Variants in ST18 observed in about 807,000 individuals in gnomAD.
The protein encoded by ST18 is ST18 C2H2C-type zinc finger transcription factor.
A neutral mutation model predicts 110.0 loss-of-function variants in ST18; 50 were observed. The ratio of observed to expected loss-of-function variants is 0.45; its 90% CI spans 0.36 to 0.58. The LOEUF (loss-of-function observed/expected upper bound fraction) is 0.58, where lower values mean the gene tolerates loss of function less well. Ranked by LOEUF, ST18 falls within the 20% of genes least tolerant of loss-of-function variation. The pLI is 0.00. For missense variants in ST18, 1,306 were observed against 1,280.1 expected (o/e 1.02, Z -0.31); for synonymous variants, 461 against 452.4 (o/e 1.02, Z -0.24).
intron 2 of ST18, among the ~76,000 whole-genome samples, chr8:52,356,728 C>T (rs1037409585): frequency 1.3e-5 from 2 of 151,456 alleles, no homozygotes; most frequent in African/African-American, 4.9e-5. Flanking sequence ...AGAATAAGAA[C>T]TAAAGAAAAC....
chr8:52,399,500 T>TA (rs1842215528), intron 2 of ST18, among the ~76,000 whole-genome samples: 1 of 151,956 alleles, frequency 6.6e-6, no homozygotes, highest in South Asian at 2.1e-4. Context: ...CTTTTTTTTT[T>TA]AGCTCCTTGA....
chr8:52,196,323 C>G (rs1277444229), intron 8 of ST18, among the ~76,000 whole-genome samples: 1 of 152,168 alleles, frequency 6.6e-6, no homozygotes, highest in Non-Finnish European at 1.5e-5. Flanking sequence ...GAAAAAGAAA[C>G]CTTAAATACA....
chr8:52,230,771 C>T (rs2091074499), intron 2 of ST18, among the ~76,000 whole-genome samples: 1 of 151,926 alleles, frequency 6.6e-6, no homozygotes, highest in African/African-American at 2.4e-5. Context: ...TCCCTGGGTT[C>T]ACCACTAGTA....
intron 2 of ST18, among the ~76,000 whole-genome samples, chr8:52,392,056 C>T (rs2140987291): frequency 6.6e-6 from 1 of 152,302 alleles, no homozygotes; most frequent in South Asian, 2.1e-4. Flanking sequence ...GCTACTTAGC[C>T]TCTCTGAGCC....
intron 8 of ST18, among the ~76,000 whole-genome samples, chr8:52,209,013 T>C (rs897434972): frequency 3.9e-5 from 6 of 152,194 alleles, no homozygotes; most frequent in Admixed American, 3.9e-4. Context: ...CAAGTATCAT[T>C]AGCTTTCTGA....
intron 5 of ST18, among the ~76,000 whole-genome samples, chr8:52,220,358 A>G (rs533353681): frequency 8.5e-5 from 13 of 152,334 alleles, no homozygotes; most frequent in African/African-American, 3.1e-4. Flanking sequence ...TACTTTTTAA[A>G]ACATTGTGCT....
intron 16 of ST18, among the ~76,000 whole-genome samples, chr8:52,144,926 C>T (rs1201799968): frequency 6.6e-6 from 1 of 152,078 alleles, no homozygotes; most frequent in African/African-American, 2.4e-5. Flanking sequence ...TTAGTCCTAT[C>T]TGGATTTGGC....
chr8:52,220,631 A>T (rs1246049390), intron 5 of ST18, 110 bp downstream of exon 5: 1 of 152,168 alleles, frequency 6.6e-6, no homozygotes, highest in Non-Finnish European at 1.5e-5. Flanking sequence ...TTGTAAGCGA[A>T]TCCACAGAGA....
chr8:52,326,674 T>A (rs1806582531), intron 2 of ST18, among the ~76,000 whole-genome samples: 1 of 152,116 alleles, frequency 6.6e-6, no homozygotes, highest in Non-Finnish European at 1.5e-5. Context: ...AGGAGGGATA[T>A]CTGAAAGGCA....
rs999995422 is a variant in ST18, at chr8:52,111,258, C to T, written c.*1940G>A. ...TTGTTAAAATATTTAGCAAATTAAA[C>T]GTTTGTCTTTGTAATAAGTGAGCTC... is the stretch of plus-strand genomic sequence containing the variant. On this transcript the variant is annotated 3_prime_UTR_variant, in exon 26 of 26. Transcript: ENST00000689386. The T allele has an allele frequency of 3.5e-5, 11 of 317,472 alleles. No individual in the cohort carries two copies. Among genetic ancestry groups the T allele is most frequent in the Admixed American group, 1.5e-4 (3 of 20,306 alleles). The allele number at this position is 317,472 out of a possible 1,614,324, so 19.7% of individuals were successfully genotyped here.
intron 2 of ST18, among the ~76,000 whole-genome samples, chr8:52,340,142 A>G (rs553815668): frequency 9.7e-4 from 148 of 152,376 alleles, no homozygotes; most frequent in African/African-American, 3.4e-3. Flanking sequence ...TCGAAGCTCA[A>G]TGCCATCTTT....
chr8:52,360,330 A>G (rs1825149970), intron 2 of ST18, among the ~76,000 whole-genome samples: 1 of 152,140 alleles, frequency 6.6e-6, no homozygotes, highest in Non-Finnish European at 1.5e-5. Flanking sequence ...TATTTAAAAT[A>G]TCTTATTTTA....
chr8:52,187,715 GT>G (rs2072896108), intron 8 of ST18, among the ~76,000 whole-genome samples: 1 of 152,174 alleles, frequency 6.6e-6, no homozygotes, highest in South Asian at 2.1e-4. Flanking sequence ...TTAAAGAGAG[GT>G]GATCCTTTTT....
chr8:52,196,210 C>A (rs1006122493), intron 8 of ST18, among the ~76,000 whole-genome samples: 1 of 152,182 alleles, frequency 6.6e-6, no homozygotes, highest in Non-Finnish European at 1.5e-5. Flanking sequence ...CCTGCCTAGG[C>A]TGGGTCTACA....
intron 2 of ST18, among the ~76,000 whole-genome samples, chr8:52,352,085 C>A (rs1820622938): frequency 6.6e-6 from 1 of 152,146 alleles, no homozygotes; most frequent in Non-Finnish European, 1.5e-5. Flanking sequence ...GATGAAAGAG[C>A]CAGAAATGCA....
chr8:52,170,264 C>T (rs1035209664), intron 10 of ST18, among the ~76,000 whole-genome samples: 3 of 152,112 alleles, frequency 2.0e-5, no homozygotes, highest in East Asian at 1.9e-4. Flanking sequence ...CAGACCAGCC[C>T]GGCCAACACG....
At chr8:52,133,439 A>C in intron 19 of ST18, 138 bp from the exon 20 acceptor site, 1 of 905,692 alleles carries the variant, frequency 1.1e-6, no homozygotes, top group Admixed American at 2.1e-5. Context: ...AGGCGGGGTC[A>C]CACAGCCAAA....
chr8:52,234,032 G>T (rs2092141049), intron 2 of ST18, among the ~76,000 whole-genome samples: 1 of 152,066 alleles, frequency 6.6e-6, no homozygotes, highest in African/African-American at 2.4e-5. Context: ...CCACCATTCT[G>T]TTCTGACTCT....
intron 2 of ST18, among the ~76,000 whole-genome samples, chr8:52,249,989 C>T (rs1047547936): frequency 1.3e-5 from 2 of 151,112 alleles, no homozygotes; most frequent in Admixed American, 1.3e-4. Context: ...CTACCCCCTA[C>T]CCAAGCAGCC....
Sources: allele counts gnomAD v4.1 joint callset (sites outside exome capture counted in the v4.1 genomes callset), GRCh38; gene constraint gnomAD v4.1.1; transcripts MANE v1.5; gene names NCBI Gene and HGNC (gene_info 2026-07-23, HGNC 2026-07-21).